Variants in DNAH11 observed in about 807,000 individuals in gnomAD.
The protein encoded by DNAH11 is axonemal beta dynein heavy chain 11.
A neutral mutation model predicts 526.0 loss-of-function variants in DNAH11; 442 were observed. That is an observed-to-expected ratio of 0.84 (90% CI 0.78 to 0.91). The LOEUF is 0.91. Ranked by LOEUF, DNAH11 falls within the 40% of genes least tolerant of loss-of-function variation. The pLI is 0.00. For synonymous variants in DNAH11, 2,461 were observed against 1,935.9 expected, an observed-to-expected ratio of 1.27 and a Z score of -7.12; for missense variants, 6,989 against 5,448.7, an observed-to-expected ratio of 1.28 and a Z score of -8.90.
Position 21,880,876 on chromosome 7 carries a change from T to G in DNAH11, c.12370T>G (p.Leu4124Val), listed in dbSNP as rs151156028. 1.8e-4 allele frequency: 283 copies of G among 1,604,898 alleles called. 1 individual carries two copies. The African/African-American group carries it at 3.5e-3, about 20-fold the overall frequency. ...TTGTGCCAGTGTCCTCTACAACTAC[T>G]TAGAGGCAAACTCTAAAGTAAGTGC... ...TICASVLYNY[L>V]EANSKVPWED... is the part of the protein sequence containing the mutation. Residue 4124 changes from leucine (L) to valine (V), a missense_variant, in exon 75 of 82, where the codon TTA becomes GTA. By Grantham distance (32) the Leu-to-Val change is conservative. Coordinates refer to ENST00000409508, the MANE Select transcript of DNAH11 (RefSeq NM_001277115.2).
chr7:21,655,733 T>A (rs1319573051), intron 28 of DNAH11, 99 bp from the exon 29 acceptor site: 1 of 1,229,026 alleles, frequency 8.1e-7, no homozygotes, highest in East Asian at 2.6e-5. Context: ...CAACTCTAAC[T>A]CCATAACGTT....
chr7:21,576,758 T>C (rs564299487), intron 8 of DNAH11, among the ~76,000 whole-genome samples: 10 of 152,270 alleles, frequency 6.6e-5, no homozygotes, highest in African/African-American at 2.4e-4. Context: ...TTCAAGGAAA[T>C]GTAAAAACAA....
At chr7:21,699,089 G>A (rs1231737296) in intron 36 of DNAH11, among the ~76,000 whole-genome samples, 4 of 151,694 alleles carry the variant, frequency 2.6e-5, no homozygotes, top group Non-Finnish European at 4.4e-5. Flanking sequence ...CCCTTTCTTC[G>A]TGAAAATATT....
At position 21,877,995 on chromosome 7, in the gene DNAH11, T is replaced by A. The variant is rs539249086; in HGVS notation, c.12196-2707T>A. 3.9e-5 allele frequency among the ~76,000 whole-genome samples: 6 copies of A among 152,264 alleles called. No individual in the cohort carries two copies. The South Asian group carries it at 1.2e-3, about 32-fold the overall frequency. On this transcript the variant is annotated intron_variant, in intron 74 of 81. Coordinates refer to ENST00000409508, the MANE Select transcript of DNAH11 (RefSeq NM_001277115.2). ...TTAGAGTAAGAAGATAGATTTCTGTTTCTGTAAAATTTGCAGGCAGAAACA... is the reference window on the plus strand; with the variant it reads ...TTAGAGTAAGAAGATAGATTTCTGTATCTGTAAAATTTGCAGGCAGAAACA...
intron 66 of DNAH11, among the ~76,000 whole-genome samples, chr7:21,845,269 A>G (rs1782376454): frequency 6.6e-6 from 1 of 152,056 alleles, no homozygotes; most frequent in Admixed American, 6.6e-5. Flanking sequence ...GTTTTTTGGT[A>G]TCATATCTAA....
chr7:21,606,327 GAA>G (rs373160486), intron 18 of DNAH11, 97 bp from the exon 19 acceptor site: 273 of 827,360 alleles, frequency 3.3e-4, no homozygotes, highest in Non-Finnish European at 3.5e-4. Flanking sequence ...TGTCTCAAGA[GAA>G]AAAAAAAAAA....
intron 27 of DNAH11, among the ~76,000 whole-genome samples, chr7:21,638,619 T>C (rs576788801): frequency 6.6e-6 from 1 of 152,068 alleles, no homozygotes; most frequent in Non-Finnish European, 1.5e-5. Flanking sequence ...CACTGCTGTT[T>C]AGGAGTGTCA....
chr7:21,690,199 T>A (rs940879295), intron 34 of DNAH11, among the ~76,000 whole-genome samples: 1 of 152,198 alleles, frequency 6.6e-6, no homozygotes, highest in Non-Finnish European at 1.5e-5. Context: ...GAACATAGGA[T>A]AATTAACTTG....
chr7:21,572,007 G>A, intron 8 of DNAH11, 34 bp downstream of exon 8: 2 of 1,453,796 alleles, frequency 1.4e-6, no homozygotes, highest in Non-Finnish European at 1.8e-6. Flanking sequence ...CATTGCATGG[G>A]ATCCTATAAT....
Position 21,725,969 on chromosome 7 carries a change from A to G in DNAH11, c.7425A>G (p.Pro2475=), listed in dbSNP as rs1460300600. 1 of 1,553,026 alleles carries G rather than the reference A, an allele frequency of 6.4e-7. No individual in the cohort carries two copies. Among genetic ancestry groups the G allele is most frequent in the African/African-American group, 1.4e-5 (1 of 73,198 alleles). ...ADKIAQFTMD[P]DVPLQTVLVH... is the part of the protein sequence containing the mutation. ...AAATTGCCCAGTTTACTATGGATCC[A>G]GATGTGCCTCTGCAGGTAGGTGTGT... Residue 2475 remains proline (P), a synonymous_variant, in exon 45 of 82, where the codon CCA becomes CCG. Coordinates refer to ENST00000409508, the MANE Select transcript of DNAH11 (RefSeq NM_001277115.2).
chr7:21,831,754 A>G (rs994009908), intron 65 of DNAH11, among the ~76,000 whole-genome samples: 5 of 152,232 alleles, frequency 3.3e-5, no homozygotes, highest in Non-Finnish European at 7.3e-5. Flanking sequence ...GAAGCATCTT[A>G]CGGAGGTTAA....
At chr7:21,731,864 C>T (rs780115283) in intron 45 of DNAH11, among the ~76,000 whole-genome samples, 18 of 152,022 alleles carry the variant, frequency 1.2e-4, no homozygotes, top group Admixed American at 3.3e-4. Context: ...TTCAAGTAAC[C>T]CTTATTTTAC....
rs540269132 is a variant in DNAH11, at chr7:21,597,558, G to A, written c.2668-2229G>A. On this transcript the variant is annotated intron_variant, in intron 14 of 81. Transcript: ENST00000409508. ...AGAAGGCAAAGGGGAAGCAAGGTCC[G>A]TCTTACATGGTGGCAGGAGAGAGAG... Among the ~76,000 whole-genome samples, 9 of 152,254 alleles carry A rather than the reference G, an allele frequency of 5.9e-5. No homozygotes were observed. The South Asian group carries it at 6.2e-4, about 11-fold the overall frequency.
intron 2 of DNAH11, among the ~76,000 whole-genome samples, chr7:21,557,982 T>C (rs73682618): frequency 1.9e-3 from 294 of 152,298 alleles, no homozygotes; most frequent in African/African-American, 6.7e-3. Flanking sequence ...TGAACACCAT[T>C]CAAAAATGAA....
chr7:21,757,230 C>G (rs1430581509), intron 54 of DNAH11, among the ~76,000 whole-genome samples: 1 of 152,180 alleles, frequency 6.6e-6, no homozygotes, highest in Non-Finnish European at 1.5e-5. Context: ...GCCATACTTT[C>G]TGAACAACAT....
intron 2 of DNAH11, among the ~76,000 whole-genome samples, chr7:21,555,995 G>A (rs1391134484): frequency 6.6e-6 from 1 of 152,124 alleles, no homozygotes; most frequent in Non-Finnish European, 1.5e-5. Flanking sequence ...TTGGGTGTCT[G>A]GTAGGCAGGC....
Position 21,615,240 on chromosome 7 carries a change from A to C in DNAH11, c.3979A>C (p.Lys1327Gln). 1 of 1,613,426 alleles carries C rather than the reference A, an allele frequency of 6.2e-7. No homozygotes were observed. The highest frequency in any genetic ancestry group is 1.1e-5 in the South Asian group (1 of 90,958). The change falls in exon 21 of 82, where the codon AAG (lysine) becomes CAG (glutamine). Residue 1327 changes from lysine to glutamine, a missense_variant. Coordinates refer to ENST00000409508, the MANE Select transcript of DNAH11 (RefSeq NM_001277115.2). ...KQCRKEIKLL[K>Q]GLWDVIIYVR... ...GTGTCGCAAAGAAATAAAATTGCTC[A>C]AGGGACTGTGGGATGTCATTATTTA...
At chr7:21,743,527 C>T (rs6461597) in intron 49 of DNAH11, among the ~76,000 whole-genome samples, 94,297 of 151,978 alleles carry the variant, frequency 0.62, 30,094 homozygotes, top group Non-Finnish European at 0.69. Flanking sequence ...TGATGAAATA[C>T]GAAAACTCCA....
chr7:21,547,594 CT>C (rs558250093), intron 2 of DNAH11, among the ~76,000 whole-genome samples: 49 of 152,316 alleles, frequency 3.2e-4, no homozygotes, highest in Non-Finnish European at 6.5e-4. Context: ...CCCTTCCTCA[CT>C]TAATTTTTGA....
Sources: allele counts gnomAD v4.1 joint callset (sites outside exome capture counted in the v4.1 genomes callset), GRCh38; gene constraint gnomAD v4.1.1; transcripts MANE v1.5; gene names NCBI Gene and HGNC (gene_info 2026-07-23, HGNC 2026-07-21).